MACROD2: variants seen among roughly 807,000 people sequenced by gnomAD.
MACROD2 encodes ADP-ribose glycohydrolase MACROD2.
Under a neutral mutation model 70.4 loss-of-function variants are expected in MACROD2, and 36 were observed. The observed-to-expected ratio is 0.51, with a 90% CI of 0.39 to 0.68. MACROD2 has a LOEUF of 0.68. MACROD2 is among the 30% of genes least tolerant of loss of function. The probability of loss-of-function intolerance (pLI) is 0.00; values close to 1 mark genes in which losing one functional copy is unlikely to be tolerated. For missense variants in MACROD2, 496 were observed against 538.4 expected (o/e 0.92, Z 0.78); for synonymous variants, 172 against 178.8 (o/e 0.96, Z 0.30).
chr20:15,228,745 C>T (rs866940167), intron 5 of MACROD2, among the ~76,000 whole-genome samples: 1 of 152,184 alleles, frequency 6.6e-6, no homozygotes, highest in Non-Finnish European at 1.5e-5. Context: ...ACCTCAGCCT[C>T]CCAAAGTGCT....
intron 3 of MACROD2, among the ~76,000 whole-genome samples, chr20:14,222,830 A>G (rs199914172): frequency 0.4 from 59,321 of 148,622 alleles, 13,433 homozygotes; most frequent in Non-Finnish European, 0.5. Context: ...AAAAAAAAAA[A>G]AAAAAAAAAA....
At position 15,752,179 on chromosome 20, in the gene MACROD2, CCCT is replaced by C. The variant is rs11468774; in HGVS notation, c.646-110565_646-110563del. On this transcript the variant is annotated intron_variant, in intron 8 of 17. Coordinates refer to ENST00000684519, the MANE Select transcript of MACROD2 (RefSeq NM_001351661.2). ...ATATCTAATCTTCAGAGCAGCTCTT[CCCT>C]AGTTAATCTGAACTCAAAGCTGCTT... Among the ~76,000 whole-genome samples the C allele has an allele frequency of 7.5e-3, 1,148 of 152,106 alleles. 13 individuals are homozygous for C. Among genetic ancestry groups the C allele is most frequent in the African/African-American group, 0.026 (1,079 of 41,528 alleles).
chr20:14,852,649 A>C (rs1390495486), intron 5 of MACROD2, among the ~76,000 whole-genome samples: 1 of 152,140 alleles, frequency 6.6e-6, no homozygotes, highest in Non-Finnish European at 1.5e-5. Context: ...ACACTTTAGT[A>C]TCAAGTCACA....
intron 7 of MACROD2, among the ~76,000 whole-genome samples, chr20:15,460,054 C>T (rs1339371802): frequency 6.6e-6 from 1 of 152,020 alleles, no homozygotes; most frequent in Non-Finnish European, 1.5e-5. Flanking sequence ...ACATTGATTC[C>T]CCTAGAGTGA....
intron 3 of MACROD2, among the ~76,000 whole-genome samples, chr20:14,093,447 A>G (rs1401206381): frequency 6.6e-6 from 1 of 152,134 alleles, no homozygotes; most frequent in East Asian, 1.9e-4. Context: ...AGGTGTTTTC[A>G]GAACTAGATT....
At chr20:15,144,057 C>T (rs765317491) in intron 5 of MACROD2, among the ~76,000 whole-genome samples, 4 of 150,812 alleles carry the variant, frequency 2.7e-5, no homozygotes, top group East Asian at 1.9e-4. Context: ...GGTCGTGGGC[C>T]GCGGGTTGGA....
At chr20:14,375,739 T>G (rs533499337) in intron 3 of MACROD2, among the ~76,000 whole-genome samples, 2 of 152,306 alleles carry the variant, frequency 1.3e-5, no homozygotes, top group African/African-American at 4.8e-5. Context: ...TTCAATTCAA[T>G]GGAAATCACT....
At position 14,548,660 on chromosome 20, in the gene MACROD2, G is replaced by A. The variant is rs1451755165; in HGVS notation, c.301+55152G>A. Reference sequence around the variant, plus strand: ...GTGAACCCGGGAGGCGGAGCTTGCAGTGAGCCGAGATCCCGCCACTGCACT... The same window carrying A: ...GTGAACCCGGGAGGCGGAGCTTGCAATGAGCCGAGATCCCGCCACTGCACT... On this transcript the variant is annotated intron_variant, in intron 4 of 17. Transcript: ENST00000684519. Among the ~76,000 whole-genome samples, 9 of 14,608 alleles carry A rather than the reference G, an allele frequency of 6.2e-4. 4 individuals carry two copies. The highest frequency in any genetic ancestry group is 1.3e-3 in the African/African-American group (9 of 6,944). 9.6% of individuals were successfully genotyped at this position (14,608 alleles called of 152,430 possible).
chr20:14,641,271 C>T (rs1305009427), intron 4 of MACROD2, among the ~76,000 whole-genome samples: 1 of 152,202 alleles, frequency 6.6e-6, no homozygotes. Context: ...TTAGGCTCCA[C>T]ATCTTCAGGC....
intron 7 of MACROD2, among the ~76,000 whole-genome samples, chr20:15,464,317 A>G (rs2046856956): frequency 6.6e-6 from 1 of 152,080 alleles, no homozygotes; most frequent in Admixed American, 6.5e-5. Flanking sequence ...TGCCTGACCC[A>G]TCTAACTGGC....
At chr20:15,200,481 A>C (rs1323426200) in intron 5 of MACROD2, among the ~76,000 whole-genome samples, 1 of 152,202 alleles carries the variant, frequency 6.6e-6, no homozygotes, top group Non-Finnish European at 1.5e-5. Flanking sequence ...TATCATGTTT[A>C]AATTTCTAAA....
chr20:15,205,817 G>A (rs1223981641), intron 5 of MACROD2, among the ~76,000 whole-genome samples: 1 of 152,192 alleles, frequency 6.6e-6, no homozygotes, highest in East Asian at 1.9e-4. Context: ...TTAAGTATTG[G>A]GAAGGGATTT....
At chr20:15,799,101 G>T (rs987547507) in intron 8 of MACROD2, among the ~76,000 whole-genome samples, 2 of 152,182 alleles carry the variant, frequency 1.3e-5, no homozygotes, top group Non-Finnish European at 2.9e-5. Context: ...AAGAGCTTAT[G>T]ATCTTTTGGG....
intron 3 of MACROD2, among the ~76,000 whole-genome samples, chr20:14,096,370 T>G (rs2148675613): frequency 6.7e-6 from 1 of 148,264 alleles, no homozygotes; most frequent in South Asian, 2.2e-4. Flanking sequence ...TTACCTTTTT[T>G]TTTTTTTTTT....
intron 6 of MACROD2, among the ~76,000 whole-genome samples, chr20:15,258,231 A>C (rs1462769069): frequency 6.6e-6 from 1 of 152,020 alleles, no homozygotes; most frequent in African/African-American, 2.4e-5. Flanking sequence ...ATTGAAGAAA[A>C]ACTTTTTAAA....
chr20:14,983,038 A>T lies in MACROD2; in HGVS notation c.419-246902A>T, dbSNP rs372948550. The stretch of plus-strand genomic sequence containing the variant: ...GAGCTACCCCAGACTATGGGAACCC[A>T]CCTCTAGCATCAGTGTTACCTGGAT... On this transcript the variant is annotated intron_variant, in intron 5 of 17. Coordinates refer to ENST00000684519, the MANE Select transcript of MACROD2 (RefSeq NM_001351661.2). Among the ~76,000 whole-genome samples the T allele has an allele frequency of 4.9e-4, 74 of 152,256 alleles. 1 individual carries two copies. In the East Asian group the frequency reaches 0.01, roughly 21 times the overall value.
chr20:14,553,579 T>C (rs2123269878), intron 4 of MACROD2, among the ~76,000 whole-genome samples: 1 of 152,272 alleles, frequency 6.6e-6, no homozygotes, highest in Non-Finnish European at 1.5e-5. Flanking sequence ...TAGGTTTGTT[T>C]ACATCAGTAT....
chr20:15,955,036 T>C (rs1172908696), intron 12 of MACROD2, among the ~76,000 whole-genome samples: 1 of 152,124 alleles, frequency 6.6e-6, no homozygotes, highest in Admixed American at 6.6e-5. Flanking sequence ...CATTGAAACA[T>C]ACTAAGGAGC....
In MACROD2 at chr20:15,538,325, TA is replaced by T. The variant is rs142501168; in HGVS notation, c.645+38479del. On this transcript the variant is annotated intron_variant, in intron 8 of 17. Coordinates refer to ENST00000684519, the MANE Select transcript of MACROD2 (RefSeq NM_001351661.2). ...GAAGGGGATAGATTTTAAAGGGGTC[TA>T]GGGGTAGAATCAATAGGACCCACTA... Among the ~76,000 whole-genome samples, 397 of 152,320 alleles carry T rather than the reference TA, an allele frequency of 2.6e-3. 9 individuals carry two copies. In the East Asian group the frequency reaches 0.049, roughly 19 times the overall value.
Sources: gnomAD v4.1 joint callset for allele counts (sites outside exome capture counted in the v4.1 genomes callset) on GRCh38, gnomAD v4.1.1 for gene constraint, MANE v1.5 for transcripts, NCBI Gene and HGNC (gene_info 2026-07-23, HGNC 2026-07-21) for gene names.